Variants in BAIAP3 observed in about 807,000 individuals in gnomAD.
BAIAP3 encodes the protein BAI1-associated protein 3.
In BAIAP3, 180 loss-of-function variants were observed where a neutral mutation model predicts 149.7. That is an observed-to-expected ratio of 1.20 (90% confidence interval 1.07 to 1.36). The LOEUF is 1.36. Among genes scored for constraint, BAIAP3 ranks in the 40% most tolerant of loss-of-function variants. The probability of loss-of-function intolerance (pLI) is 0.00; values close to 1 mark genes in which losing one functional copy is unlikely to be tolerated. For missense variants in BAIAP3, 1,767 were observed against 1,563.4 expected (o/e 1.13, Z -2.20); for synonymous variants, 845 against 670.7 (o/e 1.26, Z -4.02).
chr16:1,340,330 G>T (rs1271035025), intron 5 of BAIAP3, among the ~76,000 whole-genome samples: 1 of 135,820 alleles, frequency 7.4e-6, no homozygotes, highest in African/African-American at 2.8e-5. Context: ...CACACAGGCT[G>T]CAGGTGCACA....
In BAIAP3 at chr16:1,347,341, T is replaced by C; in HGVS notation, c.2795T>C (p.Leu932Pro). ...FFHAEGQGLP[L>P]ESLRDGSYKR... is the part of the protein sequence containing the mutation. Reference sequence around the variant, plus strand: ...CACGCAGAGGGTCAGGGTTTGCCCCTGGAGAGCCTGAGGGATGGAAGCTAC... The same window carrying C: ...CACGCAGAGGGTCAGGGTTTGCCCCCGGAGAGCCTGAGGGATGGAAGCTAC... Residue 932 changes from leucine to proline, a missense_variant, in exon 29 of 34, where the codon CTG becomes CCG. By Grantham distance (98) the Leu-to-Pro change is moderately conservative. Coordinates refer to ENST00000426824, the MANE Select transcript of BAIAP3 (RefSeq NM_001199097.2). The C allele has an allele frequency of 1.2e-6, 2 of 1,613,496 alleles. No individual in the cohort carries two copies. The highest frequency in any genetic ancestry group is 1.7e-6 in the Non-Finnish European group (2 of 1,179,946).
chr16:1,333,923 G>C (rs2033290580), intron 1 of BAIAP3, among the ~76,000 whole-genome samples, 174 bp downstream of exon 1: 1 of 152,108 alleles, frequency 6.6e-6, no homozygotes, highest in African/African-American at 2.4e-5. Flanking sequence ...CCTCGGCCCT[G>C]GGGAAACTGA....
At chr16:1,343,243 A>C (rs1008370679) in intron 14 of BAIAP3, 150 bp from the exon 15 acceptor site, 6 of 1,263,012 alleles carry the variant, frequency 4.8e-6, no homozygotes, top group South Asian at 2.9e-5. Flanking sequence ...CGGCAGCGCT[A>C]ATTGGAGGGC....
intron 1 of BAIAP3, chr16:1,334,768 G>C: frequency 6.5e-7 from 1 of 1,548,552 alleles, no homozygotes; most frequent in Non-Finnish European, 8.7e-7. Context: ...TGAGACCAGG[G>C]AGAGATTCCT....
chr16:1,341,606 C>T (rs1271906872), intron 8 of BAIAP3, 117 bp downstream of exon 8: 9 of 1,366,462 alleles, frequency 6.6e-6, no homozygotes, highest in Non-Finnish European at 8.9e-6. Context: ...GCCGTGTGCC[C>T]ACTTTCCAGA....
chr16:1,347,219 C>G (rs2034437573), intron 28 of BAIAP3, 79 bp from the exon 29 acceptor site: 1 of 1,413,124 alleles, frequency 7.1e-7, no homozygotes, highest in African/African-American at 1.4e-5. Flanking sequence ...CTGCCTGGGC[C>G]CCTTTGTGCT....
chr16:1,347,063 C>A, intron 28 of BAIAP3, 108 bp downstream of exon 28: 9 of 1,111,512 alleles, frequency 8.1e-6, no homozygotes, highest in Non-Finnish European at 1.2e-5. Flanking sequence ...TGGAGAGCAG[C>A]CACTCCAGGG....
intron 14 of BAIAP3, 81 bp from the exon 15 acceptor site, chr16:1,343,312 A>G: frequency 6.6e-7 from 1 of 1,518,156 alleles, no homozygotes; most frequent in Non-Finnish European, 8.9e-7. Context: ...GGGCAGAGAA[A>G]GGGGTAGTGC....
rs368432183 is a variant in BAIAP3, at chr16:1,348,434, C to T, written c.3411C>T (p.Phe1137=). Reference sequence around the variant, plus strand: ...GCACCAGCAAGGAGGCGCAGGAGTTCGTGAAGAAACTCAAGGAGCTGGAGA... The same window carrying T: ...GCACCAGCAAGGAGGCGCAGGAGTTTGTGAAGAAACTCAAGGAGCTGGAGA... The part of the protein sequence containing the change: ...EGRTSKEAQE[F]VKKLKELEKC... Residue 1137 remains phenylalanine (F), a synonymous_variant, in exon 34 of 34, where the codon TTC becomes TTT. Coordinates refer to ENST00000426824, the MANE Select transcript of BAIAP3 (RefSeq NM_001199097.2). The T allele has an allele frequency of 1.5e-5, 24 of 1,612,482 alleles. No individual in the cohort carries two copies. The highest frequency in any genetic ancestry group is 1.2e-4 in the African/African-American group (9 of 74,922).
rs781413100 is a variant in BAIAP3 at position 1,343,021 on chromosome 16, G to A, written c.1265+5G>A. On this transcript the variant is annotated splice_donor_5th_base_variant and intron_variant, in intron 14 of 33. Coordinates refer to ENST00000426824, the MANE Select transcript of BAIAP3 (RefSeq NM_001199097.2). ...ACCCTTGCAGCTGGCCGTGCTGTGA[G>A]TGGGTGGAGCTACGAGTGGGCGGGG... 2.5e-6 allele frequency: 4 copies of A among 1,604,922 alleles called. No homozygotes were observed. Among genetic ancestry groups the A allele is most frequent in the Non-Finnish European group, 1.7e-6 (2 of 1,179,304 alleles).
chr16:1,340,670 A>G (rs2033866486), intron 5 of BAIAP3, among the ~76,000 whole-genome samples: 1 of 152,072 alleles, frequency 6.6e-6, no homozygotes, highest in Admixed American at 6.5e-5. Context: ...TGTGCTCTGA[A>G]CTCCCCTGTC....
intron 21 of BAIAP3, 55 bp from the exon 22 acceptor site, chr16:1,345,194 G>A (rs946675175): frequency 1.9e-5 from 30 of 1,609,156 alleles, no homozygotes; most frequent in Middle Eastern, 1.6e-4. Flanking sequence ...AGCCTGGAAC[G>A]TGCTGGTTAA....
intron 14 of BAIAP3, 143 bp from the exon 15 acceptor site, chr16:1,343,250 G>T: frequency 7.6e-7 from 1 of 1,309,590 alleles, no homozygotes; most frequent in Non-Finnish European, 1.0e-6. Flanking sequence ...GCTAATTGGA[G>T]GGCAGGGAAA....
chr16:1,342,831 G>A lies in BAIAP3; in HGVS notation c.1161+17G>A. The A allele has an allele frequency of 6.2e-7, 1 of 1,612,604 alleles. No individual in the cohort carries two copies. The highest frequency in any genetic ancestry group is 1.1e-5 in the South Asian group (1 of 91,076). On this transcript the variant is annotated intron_variant, in intron 13 of 33. Transcript: ENST00000426824. ...GCAGAGGAGGTAGTGGGTGCGCCTA[G>A]GATTGGAACAGCCCGGCAGGGGGCC...
Position 1,339,225 on chromosome 16 carries a change from G to T in BAIAP3, c.281G>T (p.Arg94Ile). The stretch of plus-strand genomic sequence containing the variant: ...CCTGTGGATCCCAGCCTCGGCCTGA[G>T]AGCCCTGGCCCCAGAGGAGGTAAAG... Reference protein sequence around the residue: ...PEPVDPSLGLRALAPEEVEML... With the variant: ...PEPVDPSLGLIALAPEEVEML... Residue 94 changes from arginine to isoleucine, a missense_variant, in exon 4 of 34, where the codon AGA (arginine) becomes ATA (isoleucine). Transcript: ENST00000426824. 1 of 1,565,088 alleles carries T rather than the reference G, an allele frequency of 6.4e-7. No individual in the cohort carries two copies. Among genetic ancestry groups the T allele is most frequent in the East Asian group, 2.3e-5 (1 of 42,586 alleles).
chr16:1,336,514 G>A (rs1265842969), intron 1 of BAIAP3: 1 of 474,272 alleles, frequency 2.1e-6, no homozygotes. Context: ...CTCGGGGGCT[G>A]GCAGGGACCC....
rs191163295 is a variant in BAIAP3 at position 1,335,814 on chromosome 16, C to T, written c.-11+2065C>T. Reference sequence around the variant, plus strand: ...TCAGGGGGGCTGGCCTAGCTGGTTGCCCCAGGAGCTTAGCACTGGGGACAC... The same window carrying T: ...TCAGGGGGGCTGGCCTAGCTGGTTGTCCCAGGAGCTTAGCACTGGGGACAC... On this transcript the variant is annotated intron_variant, in intron 1 of 33. Transcript: ENST00000426824. Among the ~76,000 whole-genome samples, 277 of 152,210 alleles carry T rather than the reference C, an allele frequency of 1.8e-3. 2 individuals are homozygous for T. Among genetic ancestry groups the T allele is most frequent in the African/African-American group, 6.5e-3 (268 of 41,528 alleles).
intron 22 of BAIAP3, 117 bp from the exon 23 acceptor site, chr16:1,345,630 C>T: frequency 1.5e-6 from 1 of 669,472 alleles, no homozygotes; most frequent in South Asian, 2.1e-5. Flanking sequence ...GCCTCCCCCA[C>T]AACCCCAGCC....
chr16:1,347,904 C>G lies in BAIAP3; in HGVS notation c.3036C>G (p.Asp1012Glu), dbSNP rs142190495. 3.1e-6 allele frequency: 5 copies of G among 1,611,898 alleles called. No homozygotes were observed. The highest frequency in any genetic ancestry group is 3.4e-6 in the Non-Finnish European group (4 of 1,179,910). Residue 1012 changes from aspartate to glutamate, a missense_variant, in exon 32 of 34, where the codon GAC becomes GAG. Coordinates refer to ENST00000426824, the MANE Select transcript of BAIAP3 (RefSeq NM_001199097.2). ...LLPLDANGLS[D>E]PFVIVELGPP... Reference sequence around the variant, plus strand: ...ACTGTGCTCCTGCAGGCTTAAGTGACCCCTTTGTGATCGTGGAGCTGGGCC... The same window carrying G: ...ACTGTGCTCCTGCAGGCTTAAGTGAGCCCTTTGTGATCGTGGAGCTGGGCC...
Sources: allele counts gnomAD v4.1 joint callset (sites outside exome capture counted in the v4.1 genomes callset), GRCh38; gene constraint gnomAD v4.1.1; transcripts MANE v1.5; gene names NCBI Gene and HGNC (gene_info 2026-07-23, HGNC 2026-07-21).